Variants in MRPL43 observed in about 807,000 individuals in gnomAD.
MRPL43 encodes the protein large ribosomal subunit protein mL43.
Under a neutral mutation model 12.7 loss-of-function variants are expected in MRPL43, and 9 were observed. The observed-to-expected ratio is 0.71, with a 90% CI of 0.43 to 1.24. MRPL43 has a LOEUF of 1.24. MRPL43 is among the 50% of genes most tolerant of loss of function. The probability of loss-of-function intolerance (pLI) is 0.00; values close to 1 mark genes in which losing one functional copy is unlikely to be tolerated. For synonymous variants in MRPL43, 116 were observed against 96.4 expected, an observed-to-expected ratio of 1.20 and a Z score of -1.19; for missense variants, 211 against 229.2, an observed-to-expected ratio of 0.92 and a Z score of 0.51.
downstream of MRPL43, chr10:100,978,795 G>A: frequency 6.3e-7 from 1 of 1,596,726 alleles, no homozygotes; most frequent in Non-Finnish European, 8.6e-7. Flanking sequence ...CTCAGAGTGA[G>A]GGAAAGGAAT....
downstream of MRPL43, chr10:100,981,078 G>C: frequency 6.2e-7 from 1 of 1,605,162 alleles, no homozygotes; most frequent in Non-Finnish European, 8.5e-7. Flanking sequence ...GAGTGCAGGG[G>C]CTAGTTATTA....
At chr10:100,979,452 G>A (rs1245955091), downstream of MRPL43, 17 of 1,465,594 alleles carry the variant, frequency 1.2e-5, no homozygotes, top group Middle Eastern at 2.5e-4. Context: ...GCGCGATCTC[G>A]GCTCACTGCA....
chr10:100,985,173 G>A, downstream of MRPL43: 1 of 362,598 alleles, frequency 2.8e-6, no homozygotes, highest in Non-Finnish European at 5.0e-6. Context: ...ACTACAGCAG[G>A]GAAAGGGAGG....
downstream of MRPL43, chr10:100,978,669 G>T (rs1007389877): frequency 3.1e-6 from 5 of 1,596,858 alleles, no homozygotes; most frequent in African/African-American, 6.7e-5. Flanking sequence ...AGGATGATGG[G>T]GGGTAGGGGA....
chr10:100,980,348 C>T (rs777587678), downstream of MRPL43: 1 of 1,611,898 alleles, frequency 6.2e-7, no homozygotes. Context: ...GGCACAGGTG[C>T]TTCTGATCCC....
chr10:100,986,628 C>G lies in MRPL43; in HGVS notation c.*106G>C, dbSNP rs891613626. 1 of 1,613,428 alleles carries G rather than the reference C, an allele frequency of 6.2e-7. No homozygotes were observed. Among genetic ancestry groups the G allele is most frequent in the Non-Finnish European group, 8.5e-7 (1 of 1,179,942 alleles). ...CCAAGCAGAACCTCTGTCAACTTGCCCATTGATGGGTTCCATTTGCCTGGG... is the reference window on the plus strand; with the variant it reads ...CCAAGCAGAACCTCTGTCAACTTGCGCATTGATGGGTTCCATTTGCCTGGG... On this transcript the variant is annotated 3_prime_UTR_variant, in exon 3 of 3. Coordinates refer to ENST00000318364, the MANE Select transcript of MRPL43 (RefSeq NM_032112.3).
downstream of MRPL43, chr10:100,984,998 T>C (rs570837619): frequency 7.8e-6 from 10 of 1,276,984 alleles, no homozygotes; most frequent in East Asian, 2.6e-5. Flanking sequence ...TGAGCCTCCC[T>C]TGCTGTCTTG....
chr10:100,983,564 C>T (rs1486401615), downstream of MRPL43: 1 of 1,613,816 alleles, frequency 6.2e-7, no homozygotes, highest in Non-Finnish European at 8.5e-7. Context: ...GTCTCACAGT[C>T]CGGCCAGCCA....
At position 100,987,480 on chromosome 10, in the gene MRPL43, G is replaced by A. The variant is rs1225967008; in HGVS notation, c.-37C>T. ...GGAGGCCGCGGAGCCTAAGCAGCGA[G>A]GAGAGGGGGGCGGGACTAAACCTCG... On this transcript the variant is annotated 5_prime_UTR_variant, in exon 1 of 3. Coordinates refer to ENST00000318364, the MANE Select transcript of MRPL43 (RefSeq NM_032112.3). 6.2e-6 allele frequency: 10 copies of A among 1,605,442 alleles called. No individual in the cohort carries two copies. Among genetic ancestry groups the A allele is most frequent in the Non-Finnish European group, 5.1e-6 (6 of 1,176,472 alleles).
At position 100,986,915 on chromosome 10, in the gene MRPL43, A is replaced by G. The variant is rs757447272; in HGVS notation, c.299T>C (p.Leu100Pro). The G allele has an allele frequency of 6.2e-7, 1 of 1,611,344 alleles. No individual in the cohort carries two copies. The highest frequency in any genetic ancestry group is 8.5e-7 in the Non-Finnish European group (1 of 1,180,004). ...CGACTGGTCGGCCAGCTTCTGCACC[A>G]GCGTCGAGATCTCCTCGACCGACTT... ...HCKSVEEIST[L>P]VQKLADQSGL... Residue 100 changes from leucine to proline, a missense_variant, in exon 3 of 3, where the codon CTG (leucine) becomes CCG (proline). Transcript: ENST00000318364.
chr10:100,978,706 C>A (rs1262508419), downstream of MRPL43: 3 of 1,557,326 alleles, frequency 1.9e-6, no homozygotes, highest in Non-Finnish European at 1.8e-6. Flanking sequence ...ACTCCCTTGG[C>A]CAGCTGACCA....
downstream of MRPL43, chr10:100,981,038 T>G (rs770261984): frequency 1.3e-6 from 2 of 1,595,534 alleles, no homozygotes; most frequent in Admixed American, 1.7e-5. Context: ...GTGGTCTGAG[T>G]GGAGGAGGAA....
chr10:100,983,663 G>A (rs757083877), downstream of MRPL43: 20 of 1,613,206 alleles, frequency 1.2e-5, no homozygotes, highest in Admixed American at 3.3e-5. Flanking sequence ...CCATTGCCGC[G>A]CTTGGTGGCC....
chr10:100,978,643 TAGG>T (rs754693020), downstream of MRPL43: 2 of 1,612,236 alleles, frequency 1.2e-6, no homozygotes, highest in African/African-American at 2.7e-5. Context: ...GCTCAATGGT[TAGG>T]AGGATGAGGC....
downstream of MRPL43, chr10:100,984,659 T>G: frequency 6.5e-7 from 1 of 1,536,200 alleles, no homozygotes; most frequent in East Asian, 2.4e-5. Context: ...GCCCCCACCC[T>G]CACCTTCTCC....
chr10:100,977,906 TA>T, downstream of MRPL43: 1 of 606,532 alleles, frequency 1.6e-6, no homozygotes, highest in Non-Finnish European at 2.9e-6. Context: ...TTCCCCTTTG[TA>T]AAAACCATGC....
chr10:100,981,151 C>T (rs766282734), downstream of MRPL43: 4 of 1,613,984 alleles, frequency 2.5e-6, no homozygotes, highest in South Asian at 2.2e-5. Flanking sequence ...TTCATAAAAC[C>T]TGATCTTCTG....
chr10:100,978,878 C>A (rs760610802), downstream of MRPL43: 8 of 1,614,124 alleles, frequency 5.0e-6, no homozygotes, highest in South Asian at 8.8e-5. Context: ...CGTCCTCGTG[C>A]GGGAGAGCAA....
downstream of MRPL43, chr10:100,980,632 A>G (rs962692236): frequency 1.2e-5 from 20 of 1,614,188 alleles, no homozygotes; most frequent in Non-Finnish European, 1.5e-5. Context: ...CACATTATTG[A>G]AGAGACACAA....
Sources: allele counts gnomAD v4.1 joint callset, GRCh38; gene constraint gnomAD v4.1.1; transcripts MANE v1.5; gene names NCBI Gene and HGNC (gene_info 2026-07-23, HGNC 2026-07-21).